Variants in TNN observed in about 807,000 individuals in gnomAD.
The protein encoded by TNN is tenascin-N.
A neutral mutation model predicts 134.4 loss-of-function variants in TNN; 122 were observed. The observed-to-expected ratio is 0.91, with a 90% CI of 0.78 to 1.06. The LOEUF is 1.06. Among genes scored for constraint, TNN ranks in the 50% least tolerant of loss-of-function variants. The pLI, the probability that TNN is intolerant of heterozygous loss-of-function variation, is 0.00. For synonymous variants in TNN, 710 were observed against 670.3 expected (o/e 1.06, Z -0.91); for missense variants, 1,739 against 1,699.4 (o/e 1.02, Z -0.41).
chr1:175,146,910 C>CTT (rs11450833), intron 18 of TNN, 21 bp from the exon 19 acceptor site: 17,227 of 1,333,480 alleles, frequency 0.013, 50 homozygotes, highest in South Asian at 0.024. Flanking sequence ...CTTGATGTGG[C>CTT]TTTTTTTTTT....
rs1250298958 is a variant in TNN, at chr1:175,080,140, CCCTGTT to C, written c.785-15_785-10del. Reference sequence around the variant, plus strand: ...TCGCCTCCCTTGCTCACCCTCTCTGCCCTGTTCCTGTTCTGCCTGCAGTGGTCACCC... The same window carrying C: ...TCGCCTCCCTTGCTCACCCTCTCTGCCCTGTTCTGCCTGCAGTGGTCACCC... On this transcript the variant is annotated splice_polypyrimidine_tract_variant and intron_variant, in intron 3 of 18. Transcript: ENST00000239462. 1 of 1,611,850 alleles carries C rather than the reference CCCTGTT, an allele frequency of 6.2e-7. No individual in the cohort carries two copies. Among genetic ancestry groups the C allele is most frequent in the Non-Finnish European group, 8.5e-7 (1 of 1,179,268 alleles).
chr1:175,078,618 C>T (rs542060695), intron 2 of TNN, among the ~76,000 whole-genome samples: 67 of 152,274 alleles, frequency 4.4e-4, no homozygotes, highest in African/African-American at 1.5e-3. Context: ...CCAGCATGGA[C>T]TTGCTTCTGA....
chr1:175,127,203 T>C (rs1675552904), intron 13 of TNN, 118 bp downstream of exon 13: 2 of 1,232,278 alleles, frequency 1.6e-6, no homozygotes, highest in East Asian at 2.4e-5. Flanking sequence ...ACTGATCACA[T>C]TGCTGGTTGT....
At chr1:175,085,539 A>G (rs779406008) in intron 6 of TNN, 45 bp downstream of exon 6, 6 of 1,330,946 alleles carry the variant, frequency 4.5e-6, no homozygotes, top group East Asian at 4.8e-5. Flanking sequence ...TCATGTTTGC[A>G]TTCTCATATT....
At position 175,096,962 on chromosome 1, in the gene TNN, G is replaced by A. The variant is rs376639302; in HGVS notation, c.1589-455G>A. Among the ~76,000 whole-genome samples, 6 of 152,290 alleles carry A rather than the reference G, an allele frequency of 3.9e-5. No individual in the cohort carries two copies. In the East Asian group the frequency reaches 9.7e-4, roughly 25 times the overall value. ...GTCTCCTGGTTCCCTGGCCACAGAT[G>A]TAATGTTTTATATGGAAAGAACTGA... On this transcript the variant is annotated intron_variant, in intron 7 of 18. Coordinates refer to ENST00000239462, the MANE Select transcript of TNN (RefSeq NM_022093.2).
Position 175,104,272 on chromosome 1 carries a change from A to T in TNN, c.2119+5677A>T, listed in dbSNP as rs1358840467. On this transcript the variant is annotated intron_variant, in intron 9 of 18. Transcript: ENST00000239462. The stretch of plus-strand genomic sequence containing the variant: ...GGAGGAAGTCAATTTCCTGGCCCTC[A>T]ATAGTTAAACATACCCAGGGCTCAG... 1.4e-5 allele frequency among the ~76,000 whole-genome samples: 2 copies of T among 145,446 alleles called. 1 individual carries two copies. Among genetic ancestry groups the T allele is most frequent in the East Asian group, 4.6e-4 (2 of 4,326 alleles).
rs757131041 is a variant in TNN, at chr1:175,127,061, C to T, written c.3021C>T (p.Tyr1007=). The T allele has an allele frequency of 8.1e-6, 13 of 1,613,914 alleles. 1 individual carries two copies. The South Asian group carries it at 1.4e-4, about 18-fold the overall frequency. Residue 1007 remains tyrosine (Y), a synonymous_variant, in exon 13 of 19, where the codon TAC becomes TAT. Coordinates refer to ENST00000239462, the MANE Select transcript of TNN (RefSeq NM_022093.2). Reference sequence around the variant, plus strand: ...AGATCCACGGCTACATTCTGACTTACCAGTTCCCAGATGGCACAGTTAAGG... The same window carrying T: ...AGATCCACGGCTACATTCTGACTTATCAGTTCCCAGATGGCACAGTTAAGG... ...SAQIHGYILT[Y]QFPDGTVKEM...
chr1:175,136,643 C>T (rs1453558795), intron 16 of TNN, among the ~76,000 whole-genome samples, 178 bp from the exon 17 acceptor site: 4 of 152,158 alleles, frequency 2.6e-5, no homozygotes, highest in Non-Finnish European at 4.4e-5. Flanking sequence ...ATGTGGTCTT[C>T]GCACTCCTTA....
At chr1:175,099,626 T>A (rs1574152526) in intron 9 of TNN, among the ~76,000 whole-genome samples, 1 of 116,656 alleles carries the variant, frequency 8.6e-6, no homozygotes, top group Non-Finnish European at 1.8e-5. Context: ...GGAGGAGAGG[T>A]GAGGGGTCAG....
chr1:175,092,467 G>A (rs141650011), intron 6 of TNN, among the ~76,000 whole-genome samples: 255 of 152,276 alleles, frequency 1.7e-3, no homozygotes, highest in African/African-American at 5.8e-3. Flanking sequence ...GTTCAAGAAC[G>A]AGTTTCTCTC....
rs116607864 is a variant in TNN at position 175,123,501 on chromosome 1, C to T, written c.2752C>T (p.Arg918Cys). The change falls in exon 12 of 19, where the codon CGC becomes TGC. Residue 918 changes from arginine to cysteine, a missense_variant. By Grantham distance (180) the Arg-to-Cys change is radical (BLOSUM62 -3). Transcript: ENST00000239462. ...VQATIDKYMV[R>C]YTSADGETRE... ...GGCCACCATTGACAAGTACATGGTG[C>T]GCTACACCTCTGCTGACGGAGAGAC... The T allele has an allele frequency of 4.8e-3, 7,729 of 1,613,990 alleles. 33 individuals carry two copies. Among genetic ancestry groups the T allele is most frequent in the Non-Finnish European group, 4.7e-3 (5,578 of 1,179,920 alleles).
rs953334213 is a variant in TNN at position 175,133,001 on chromosome 1, A to G, written c.3331-2844A>G. 5.3e-5 allele frequency among the ~76,000 whole-genome samples: 8 copies of G among 152,228 alleles called. No individual in the cohort carries two copies. The East Asian group carries it at 1.5e-3, about 29-fold the overall frequency. ...CATGCTGTGAAGTCTAGTGGAAAGG[A>G]GGGAGATTAGATTTTGTGTTGGGGC... On this transcript the variant is annotated intron_variant, in intron 15 of 18. Transcript: ENST00000239462.
At chr1:175,142,550 C>T (rs541441299) in intron 17 of TNN, among the ~76,000 whole-genome samples, 34 of 152,234 alleles carry the variant, frequency 2.2e-4, no homozygotes, top group Non-Finnish European at 3.8e-4. Flanking sequence ...CATAGGTTGC[C>T]GGGGCCCAAC....
In TNN at chr1:175,147,029, C is replaced by A; in HGVS notation, c.3858C>A (p.Gly1286=). Residue 1286 remains glycine (G), a synonymous_variant, in exon 19 of 19, where the codon GGC becomes GGA. Transcript: ENST00000239462. ...PHGYSREPVL[G]RKKRTLRGRL... ...GCTACAGCAGGGAGCCTGTCCTGGG[C>A]AGAAAGAAGCGGACGCTGAGAGGAA... 6.3e-7 allele frequency: 1 copy of A among 1,598,882 alleles called. No individual in the cohort carries two copies. The highest frequency in any genetic ancestry group is 8.5e-7 in the Non-Finnish European group (1 of 1,171,750).
rs1393761598 is a variant in TNN, at chr1:175,102,349, G to A, written c.2119+3754G>A. 2.1e-5 allele frequency among the ~76,000 whole-genome samples: 3 copies of A among 146,264 alleles called. 1 individual carries two copies. The highest frequency in any genetic ancestry group is 4.6e-5 in the Non-Finnish European group (3 of 65,790). On this transcript the variant is annotated intron_variant, in intron 9 of 18. Transcript: ENST00000239462. ...GACGGGACTGGGTGCCATGGAGCAG[G>A]GGATGGTATTCGTCGGGGAGGCTCG...
intron 18 of TNN, among the ~76,000 whole-genome samples, chr1:175,146,134 T>TG (rs978474784): frequency 2.0e-5 from 3 of 152,114 alleles, no homozygotes; most frequent in Non-Finnish European, 4.4e-5. Flanking sequence ...CCAGGGAAGC[T>TG]GGGGAGGGTG....
intron 15 of TNN, among the ~76,000 whole-genome samples, chr1:175,133,266 C>T (rs561099621): frequency 6.6e-6 from 1 of 152,296 alleles, no homozygotes; most frequent in South Asian, 2.1e-4. Flanking sequence ...CTTCCTTCTC[C>T]AAACAGTGGA....
At chr1:175,146,772 C>T (rs1384517134) in intron 18 of TNN, among the ~76,000 whole-genome samples, 159 bp from the exon 19 acceptor site, 1 of 152,044 alleles carries the variant, frequency 6.6e-6, no homozygotes, top group Non-Finnish European at 1.5e-5. Flanking sequence ...TCCTGCCCTC[C>T]CCTCCCTTCT....
chr1:175,107,212 C>T (rs1294284890), intron 9 of TNN, among the ~76,000 whole-genome samples: 8 of 145,436 alleles, frequency 5.5e-5, no homozygotes, highest in African/African-American at 2.0e-4. Flanking sequence ...GGAGTCTGTC[C>T]CTTCTGATGT....
Sources: allele counts gnomAD v4.1 joint callset (sites outside exome capture counted in the v4.1 genomes callset), GRCh38; gene constraint gnomAD v4.1.1; transcripts MANE v1.5; gene names NCBI Gene and HGNC (gene_info 2026-07-23, HGNC 2026-07-21).